PTPRN2: variants seen among roughly 807,000 people sequenced by gnomAD.
PTPRN2 encodes protein tyrosine phosphatase receptor type N2.
In PTPRN2, 74 loss-of-function variants were observed where a neutral mutation model predicts 118.8. The ratio of observed to expected loss-of-function variants is 0.62; its 90% CI spans 0.52 to 0.76. PTPRN2 has a LOEUF of 0.76. Among genes scored for constraint, PTPRN2 ranks in the 30% least tolerant of loss-of-function variants. The pLI, the probability that PTPRN2 is intolerant of heterozygous loss-of-function variation, is 0.00. For synonymous variants in PTPRN2, 641 were observed against 608.0 expected (o/e 1.05, Z -0.80); for missense variants, 1,481 against 1,394.4 (o/e 1.06, Z -0.99).
At chr7:157,783,265 G>A (rs114700747) in intron 12 of PTPRN2, among the ~76,000 whole-genome samples, 5,480 of 151,990 alleles carry the variant, frequency 0.036, 317 homozygotes, top group African/African-American at 0.12. Flanking sequence ...GAGAACAGAC[G>A]AATACACCTG....
intron 11 of PTPRN2, among the ~76,000 whole-genome samples, chr7:157,899,050 C>T (rs1797295182): frequency 6.6e-6 from 1 of 152,248 alleles, no homozygotes; most frequent in Admixed American, 6.5e-5. Flanking sequence ...ATTCTGCAAA[C>T]TGCAACGTCT....
At chr7:157,789,431 G>A (rs879512058) in intron 12 of PTPRN2, among the ~76,000 whole-genome samples, 3 of 152,204 alleles carry the variant, frequency 2.0e-5, no homozygotes, top group South Asian at 4.1e-4. Context: ...ACTGGGTTTC[G>A]GGCTTCATGA....
At chr7:158,342,133 C>G (rs1210443749) in intron 2 of PTPRN2, among the ~76,000 whole-genome samples, 3 of 148,282 alleles carry the variant, frequency 2.0e-5, no homozygotes, top group African/African-American at 7.6e-5. Flanking sequence ...ACCATAAGAG[C>G]TGTCGCCCGC....
At chr7:158,419,714 C>T (rs187120056) in intron 2 of PTPRN2, among the ~76,000 whole-genome samples, 77 of 152,258 alleles carry the variant, frequency 5.1e-4, no homozygotes, top group African/African-American at 1.6e-3. Flanking sequence ...TCGGTGTGGC[C>T]AGCATTCACC....
Position 157,737,734 on chromosome 7 carries a change from T to A in PTPRN2, c.1789-54797A>T, listed in dbSNP as rs1374883455. Among the ~76,000 whole-genome samples the A allele has an allele frequency of 2.6e-5, 4 of 152,240 alleles. No individual in the cohort carries two copies. The East Asian group carries it at 7.7e-4, about 29-fold the overall frequency. On this transcript the variant is annotated intron_variant, in intron 12 of 22. Transcript: ENST00000389418. ...AAGGGCCCTGGTCCTCGGGAGCATTTACAGCATCGTGGGTGCCGGCTGGGG... is the reference window on the plus strand; with the variant it reads ...AAGGGCCCTGGTCCTCGGGAGCATTAACAGCATCGTGGGTGCCGGCTGGGG...
intron 6 of PTPRN2, among the ~76,000 whole-genome samples, chr7:158,147,018 CT>C (rs35978119): frequency 2.0e-4 from 1 of 5,066 alleles, no homozygotes; most frequent in South Asian, 7.4e-3. Flanking sequence ...CGCCACGTGT[CT>C]TTCCCCCTCA....
chr7:158,072,093 T>C (rs1207421917), intron 11 of PTPRN2, among the ~76,000 whole-genome samples: 117 of 130,482 alleles, frequency 9.0e-4, no homozygotes, highest in Admixed American at 1.1e-3. Context: ...GTGGAGGTGC[T>C]CGTAGTATGG....
At chr7:158,400,835 T>C (rs1487716716) in intron 2 of PTPRN2, among the ~76,000 whole-genome samples, 2 of 152,020 alleles carry the variant, frequency 1.3e-5, no homozygotes, top group Admixed American at 6.5e-5. Context: ...AGACGGATCC[T>C]CAGGACACGT....
intron 2 of PTPRN2, among the ~76,000 whole-genome samples, chr7:158,364,758 C>T (rs1008140352): frequency 1.3e-5 from 2 of 152,110 alleles, no homozygotes; most frequent in Admixed American, 6.6e-5. Flanking sequence ...GGGGCTCCTC[C>T]CCTCTCTCTG....
chr7:158,068,415 C>A (rs1585321136), intron 11 of PTPRN2, among the ~76,000 whole-genome samples: 1 of 152,222 alleles, frequency 6.6e-6, no homozygotes, highest in Non-Finnish European at 1.5e-5. Context: ...GCAGCTGGGG[C>A]AGGAGCTGCT....
chr7:157,824,161 G>A (rs1176343852), intron 12 of PTPRN2, among the ~76,000 whole-genome samples: 1 of 152,096 alleles, frequency 6.6e-6, no homozygotes, highest in African/African-American at 2.4e-5. Flanking sequence ...AGCCTCCTGT[G>A]ACCCTCCTGA....
Position 157,990,767 on chromosome 7 carries a change from A to AGC in PTPRN2, c.1723+90529_1723+90530dup, listed in dbSNP as rs1804191707. ...GGACTAGGACACTGGAATGTCACCG[A>AGC]GCTTCCCTCCGATACAGTGGGAGGG... On this transcript the variant is annotated intron_variant, in intron 11 of 22. Coordinates refer to ENST00000389418, the MANE Select transcript of PTPRN2 (RefSeq NM_002847.5). The surrounding 1 kb of genome is among the most constrained non-coding windows in gnomAD (Gnocchi z 4.3). Among the ~76,000 whole-genome samples the AGC allele has an allele frequency of 6.6e-6, 1 of 152,108 alleles. No homozygotes were observed. Among genetic ancestry groups the AGC allele is most frequent in the Admixed American group, 6.5e-5 (1 of 15,286 alleles).
At chr7:158,136,191 C>T (rs1446129536) in intron 8 of PTPRN2, among the ~76,000 whole-genome samples, 9 of 152,198 alleles carry the variant, frequency 5.9e-5, no homozygotes, top group Non-Finnish European at 1.2e-4. Context: ...CAAGGCACTG[C>T]ATCTTTCATT....
At chr7:157,723,705 A>G (rs1203891667) in intron 12 of PTPRN2, among the ~76,000 whole-genome samples, 1 of 152,142 alleles carries the variant, frequency 6.6e-6, no homozygotes, top group Admixed American at 6.5e-5. Context: ...CTACTCAGGG[A>G]TGTGCAGTCA....
intron 15 of PTPRN2, among the ~76,000 whole-genome samples, chr7:157,620,669 T>C (rs2150635325): frequency 6.6e-6 from 1 of 152,306 alleles, no homozygotes; most frequent in South Asian, 2.1e-4. Context: ...TGATGCTCAC[T>C]GGGGTGCAGA....
chr7:158,331,615 A>G (rs1181074801), intron 2 of PTPRN2, among the ~76,000 whole-genome samples: 2 of 144,898 alleles, frequency 1.4e-5, no homozygotes, highest in South Asian at 2.2e-4. Flanking sequence ...GAGGTCACTT[A>G]CAGCCATACT....
intron 12 of PTPRN2, among the ~76,000 whole-genome samples, chr7:157,873,476 C>G (rs548526227): frequency 6.6e-6 from 1 of 151,220 alleles, no homozygotes; most frequent in African/African-American, 2.4e-5. Flanking sequence ...GGGAGGAGAA[C>G]GTACCGTCCT....
At chr7:158,122,300 G>A (rs1406433899) in intron 9 of PTPRN2, among the ~76,000 whole-genome samples, 1 of 152,182 alleles carries the variant, frequency 6.6e-6, no homozygotes, top group African/African-American at 2.4e-5. Context: ...CGTTGGACAA[G>A]CCTGTTCCTA....
At chr7:158,528,895 T>C (rs556576833) in intron 1 of PTPRN2, among the ~76,000 whole-genome samples, 1 of 151,938 alleles carries the variant, frequency 6.6e-6, no homozygotes, top group African/African-American at 2.4e-5. Flanking sequence ...TGCCCGGAAT[T>C]GGAAGACACA....
Sources: gnomAD v4.1 joint callset for allele counts (sites outside exome capture counted in the v4.1 genomes callset) on GRCh38, gnomAD v4.1.1 for gene constraint, Gnocchi (gnomAD v3.1) non-coding constraint, MANE v1.5 for transcripts, NCBI Gene and HGNC (gene_info 2026-07-23, HGNC 2026-07-21) for gene names.